TMEM171: variants seen among roughly 807,000 people sequenced by gnomAD.
TMEM171 encodes the protein transmembrane protein 171.
TMEM171 carries 16 observed loss-of-function variants against 19.1 expected under a neutral mutation model. The observed-to-expected ratio is 0.84, with a 90% confidence interval of 0.57 to 1.27. TMEM171 has a LOEUF of 1.27. TMEM171 is among the 50% of genes most tolerant of loss of function. The pLI, the probability that TMEM171 is intolerant of heterozygous loss-of-function variation, is 0.00. For synonymous variants in TMEM171, 153 were observed against 163.4 expected (o/e 0.94, Z 0.48); for missense variants, 429 against 412.7 (o/e 1.04, Z -0.34).
At chr5:73,120,884 G>T (rs530528392) in intron 1 of TMEM171, among the ~76,000 whole-genome samples, 188 bp downstream of exon 1, 116 of 152,308 alleles carry the variant, frequency 7.6e-4, no homozygotes, top group Admixed American at 2.4e-3. Context: ...AACCGATTTC[G>T]CACAGAAGGC....
chr5:73,131,479 C>G (rs1208708029), intron 3 of TMEM171, 59 bp from the exon 4 acceptor site: 1 of 1,381,466 alleles, frequency 7.2e-7, no homozygotes, highest in Non-Finnish European at 9.7e-7. Flanking sequence ...GAACCTAGTA[C>G]TAAAGGGGTG....
rs1035536214 is a variant in TMEM171 at position 73,120,669 on chromosome 5, G to T, written c.-96G>T. On this transcript the variant is annotated 5_prime_UTR_variant, in exon 1 of 4. Coordinates refer to ENST00000454765, the MANE Select transcript of TMEM171 (RefSeq NM_173490.8). ...CCCAGCCAGTGCCCACAGCAGCGCG[G>T]TCAGCCAGGCGCCGGACCCAGCTTC... 2.0e-6 allele frequency: 2 copies of T among 984,362 alleles called. No homozygotes were observed. Among genetic ancestry groups the T allele is most frequent in the African/African-American group, 3.5e-5 (2 of 57,120 alleles). 61.0% of individuals were successfully genotyped at this position (984,362 alleles called of 1,614,324 possible). A position where few individuals can be genotyped will look rare whatever the true frequency, so the allele number is the denominator to read the frequency against.
chr5:73,127,384 A>AATATATATATATATATATATATATATAT (rs59879336), intron 2 of TMEM171, among the ~76,000 whole-genome samples: 59 of 81,580 alleles, frequency 7.2e-4, no homozygotes, highest in African/African-American at 2.5e-3. Context: ...AAAAAAAAAA[A>AATATATATATATATATATATATATATAT]ATATATATAT....
At chr5:73,124,576 C>G (rs187388871) in intron 2 of TMEM171, among the ~76,000 whole-genome samples, 313 of 152,298 alleles carry the variant, frequency 2.1e-3, no homozygotes, top group Non-Finnish European at 3.3e-3. Context: ...TGTCTGAGTC[C>G]AGCAGTCTCC....
chr5:73,131,526 C>G lies in TMEM171; in HGVS notation c.783-12C>G. 6.3e-7 allele frequency: 1 copy of G among 1,582,292 alleles called. No homozygotes were observed. Among genetic ancestry groups the G allele is most frequent in the South Asian group, 1.2e-5 (1 of 84,996 alleles). ...ATCCCCTCCCCTTCATGTTCTCTCT[C>G]CTTCTCTTTAGCAGGACCCCAACTT... On this transcript the variant is annotated splice_polypyrimidine_tract_variant and intron_variant, in intron 3 of 3. Transcript: ENST00000454765.
intron 2 of TMEM171, 130 bp downstream of exon 2, chr5:73,124,143 C>CGTGT: frequency 1.4e-5 from 11 of 768,824 alleles, no homozygotes; most frequent in Non-Finnish European, 2.0e-5. Context: ...TGTGTGCACA[C>CGTGT]GCACACACCC....
rs149174030 is a variant in TMEM171, at chr5:73,123,575, G to A, written c.202G>A (p.Val68Met). The stretch of plus-strand genomic sequence containing the variant: ...CAAGGTGGCGGGGCCTGCATGTGCC[G>A]TGGTTGGGCTTGGGGCTGTGATCCT... Reference protein sequence around the residue: ...VLKVAGPACAVVGLGAVILAR... With the variant: ...VLKVAGPACAMVGLGAVILAR... Residue 68 changes from valine to methionine, a missense_variant, in exon 2 of 4, where the codon GTG becomes ATG. By Grantham distance (21) the Val-to-Met change is conservative (BLOSUM62 1). Transcript: ENST00000454765. 1,818 of 1,614,236 alleles carry A rather than the reference G, an allele frequency of 1.1e-3. 4 individuals are homozygous for A. Among genetic ancestry groups the A allele is most frequent in the Middle Eastern group, 2.1e-3 (13 of 6,062 alleles).
At chr5:73,130,248 A>G (rs1235910502) in intron 3 of TMEM171, among the ~76,000 whole-genome samples, 1 of 152,020 alleles carries the variant, frequency 6.6e-6, no homozygotes, top group Non-Finnish European at 1.5e-5. Context: ...AGAGTCAGGG[A>G]CTAGTGGGAG....
chr5:73,128,359 C>T, intron 2 of TMEM171, 31 bp from the exon 3 acceptor site: 1 of 1,602,420 alleles, frequency 6.2e-7, no homozygotes, highest in African/African-American at 1.3e-5. Context: ...TATTACCCAC[C>T]TGTTGTCAAC....
intron 2 of TMEM171, among the ~76,000 whole-genome samples, chr5:73,128,169 T>C (rs192043952): frequency 6.6e-6 from 1 of 152,270 alleles, no homozygotes; most frequent in East Asian, 1.9e-4. Flanking sequence ...CAAACAGCAA[T>C]TCCCACTCCC....
chr5:73,123,088 C>A (rs1445229835), intron 1 of TMEM171, among the ~76,000 whole-genome samples: 1 of 152,182 alleles, frequency 6.6e-6, no homozygotes, highest in Non-Finnish European at 1.5e-5. Context: ...AATTTAATTT[C>A]CTGTTTTGAA....
chr5:73,127,941 C>T (rs576861885), intron 2 of TMEM171, among the ~76,000 whole-genome samples: 62 of 151,780 alleles, frequency 4.1e-4, no homozygotes, highest in Middle Eastern at 3.4e-3. Flanking sequence ...GATGAGATAG[C>T]GCTGTGTTGC....
At chr5:73,120,876 C>T (rs993607082) in intron 1 of TMEM171, among the ~76,000 whole-genome samples, 180 bp downstream of exon 1, 2 of 152,200 alleles carry the variant, frequency 1.3e-5, no homozygotes, top group African/African-American at 4.8e-5. Context: ...AAGCCGCAAA[C>T]CGATTTCGCA....
chr5:73,131,273 G>A (rs1457474378), intron 3 of TMEM171, among the ~76,000 whole-genome samples: 3 of 152,064 alleles, frequency 2.0e-5, no homozygotes, highest in Non-Finnish European at 4.4e-5. Context: ...GATGGTGTCT[G>A]TAAATTTGTT....
intron 2 of TMEM171, among the ~76,000 whole-genome samples, 168 bp from the exon 3 acceptor site, chr5:73,128,222 A>T (rs903707303): frequency 6.6e-6 from 1 of 152,024 alleles, no homozygotes; most frequent in African/African-American, 2.4e-5. Flanking sequence ...AACCTAGTCT[A>T]CTTTTCTATC....
chr5:73,127,378 A>ATATAT (rs1216141842), intron 2 of TMEM171, among the ~76,000 whole-genome samples: 1 of 63,236 alleles, frequency 1.6e-5, no homozygotes, highest in Non-Finnish European at 2.9e-5. Context: ...GTAAAAAAAA[A>ATATAT]AAAAAAATAT....
intron 1 of TMEM171, among the ~76,000 whole-genome samples, chr5:73,121,035 GTGT>G (rs559146397): frequency 1.4e-3 from 210 of 152,286 alleles, no homozygotes; most frequent in African/African-American, 4.7e-3. Flanking sequence ...GTGTAGGGTG[GTGT>G]TTGGAAAAGG....
chr5:73,125,879 T>C (rs1744149220), intron 2 of TMEM171, among the ~76,000 whole-genome samples: 1 of 152,224 alleles, frequency 6.6e-6, no homozygotes, highest in Admixed American at 6.5e-5. Flanking sequence ...TCCTTTGATA[T>C]TGTGGAATAG....
chr5:73,129,638 G>A (rs777857), intron 3 of TMEM171, among the ~76,000 whole-genome samples: 42,248 of 151,782 alleles, frequency 0.28, 6,957 homozygotes, highest in African/African-American at 0.45. Context: ...ATCTCAGGGG[G>A]AAAAAAAAGA....
Sources: gnomAD v4.1 joint callset for allele counts (sites outside exome capture counted in the v4.1 genomes callset) on GRCh38, gnomAD v4.1.1 for gene constraint, MANE v1.5 for transcripts, NCBI Gene and HGNC (gene_info 2026-07-23, HGNC 2026-07-21) for gene names.